Variants in PIAS1 observed in about 807,000 individuals in gnomAD.
PIAS1 encodes E3 SUMO-protein ligase PIAS1.
Under a neutral mutation model 71.3 loss-of-function variants are expected in PIAS1, and 6 were observed. The ratio of observed to expected loss-of-function variants is 0.08; its 90% confidence interval spans 0.05 to 0.17. The LOEUF is 0.17. Among genes scored for constraint, PIAS1 ranks in the 10% least tolerant of loss-of-function variants. PIAS1 has a pLI of 1.00. For synonymous variants in PIAS1, 303 were observed against 292.9 expected (o/e 1.03, Z -0.35); for missense variants, 555 against 793.6 (o/e 0.70, Z 3.61).
At position 68,190,077 on chromosome 15, in the gene PIAS1, T is replaced by C. The variant is rs1001249483; in HGVS notation, c.*2242T>C. On this transcript the variant is annotated 3_prime_UTR_variant, in exon 14 of 14. Coordinates refer to ENST00000249636, the MANE Select transcript of PIAS1 (RefSeq NM_016166.3). The surrounding 1 kb of genome is among the most constrained non-coding windows in gnomAD (Gnocchi z 4.7). ...TGATCAGTAACTTTGTGTATGATGC[T>C]GAATTACAAACCGTTTGAATGATCC... The C allele has an allele frequency of 6.6e-6, 1 of 152,072 alleles. No homozygotes were observed. The highest frequency in any genetic ancestry group is 2.4e-5 in the African/African-American group (1 of 41,460). The allele number at this position is 152,072 out of a possible 1,614,324, so 9.4% of individuals were successfully genotyped here.
intron 2 of PIAS1, among the ~76,000 whole-genome samples, chr15:68,089,290 T>G (rs2092313714): frequency 6.6e-6 from 1 of 152,244 alleles, no homozygotes; most frequent in Admixed American, 6.5e-5. Context: ...GGAGCCATAA[T>G]TAAAGTATTC....
intron 12 of PIAS1, 50 bp downstream of exon 12, chr15:68,181,404 G>A (rs1428618233): frequency 1.3e-6 from 2 of 1,565,620 alleles, no homozygotes; most frequent in Non-Finnish European, 1.8e-6. Flanking sequence ...GAATGCCTTT[G>A]ATCTATATAA....
intron 1 of PIAS1, among the ~76,000 whole-genome samples, chr15:68,080,222 G>A (rs1046705651): frequency 1.3e-5 from 2 of 152,156 alleles, no homozygotes; most frequent in African/African-American, 4.8e-5. Context: ...TATAAATAAG[G>A]ATGATGTTTA....
At chr15:68,102,360 T>A (rs2092434544) in intron 2 of PIAS1, among the ~76,000 whole-genome samples, 1 of 152,252 alleles carries the variant, frequency 6.6e-6, no homozygotes, top group Admixed American at 6.5e-5. Context: ...GATTACTATG[T>A]CAGACTATGT....
intron 6 of PIAS1, among the ~76,000 whole-genome samples, chr15:68,149,540 C>T (rs2092831715): frequency 6.6e-6 from 1 of 151,842 alleles, no homozygotes. Flanking sequence ...CTTTTATGTT[C>T]CTCAGCAATT....
At chr15:68,073,537 A>C (rs1005154543) in intron 1 of PIAS1, among the ~76,000 whole-genome samples, 2 of 152,186 alleles carry the variant, frequency 1.3e-5, no homozygotes. Context: ...TAAAAGCGTA[A>C]ATTTTTTTAA....
At chr15:68,177,064 A>G (rs12594232) in intron 11 of PIAS1, among the ~76,000 whole-genome samples, 63,471 of 151,676 alleles carry the variant, frequency 0.42, 14,871 homozygotes, top group East Asian at 0.84. Flanking sequence ...TGGATTGTCC[A>G]AGCTCAGGAG....
chr15:68,060,798 C>T (rs1047962397), intron 1 of PIAS1, among the ~76,000 whole-genome samples: 9 of 152,168 alleles, frequency 5.9e-5, no homozygotes, highest in African/African-American at 2.2e-4. Context: ...ATTCTCCTGC[C>T]TCAGCCTCCC....
chr15:68,065,618 C>G (rs1002005837), intron 1 of PIAS1, among the ~76,000 whole-genome samples: 1 of 150,088 alleles, frequency 6.7e-6, no homozygotes, highest in African/African-American at 2.4e-5. Flanking sequence ...AAATTTATTT[C>G]TAGTGATCTC....
intron 4 of PIAS1, among the ~76,000 whole-genome samples, chr15:68,145,485 T>A (rs1042059529): frequency 2.6e-5 from 4 of 152,196 alleles, no homozygotes; most frequent in African/African-American, 9.6e-5. Context: ...AATTTCTTAA[T>A]TTTATTTGAC....
At chr15:68,183,413 G>A (rs950530007) in intron 12 of PIAS1, among the ~76,000 whole-genome samples, 1 of 152,144 alleles carries the variant, frequency 6.6e-6, no homozygotes, top group East Asian at 1.9e-4. Flanking sequence ...CCCCAAATGG[G>A]GTCACGGAGA....
intron 7 of PIAS1, among the ~76,000 whole-genome samples, chr15:68,156,696 G>GAGAC (rs2092891540): frequency 7.0e-6 from 1 of 141,962 alleles, no homozygotes; most frequent in Admixed American, 7.2e-5. Flanking sequence ...GCAACAGAGA[G>GAGAC]AGACACTGTC....
chr15:68,100,349 C>T (rs2092412695), intron 2 of PIAS1, among the ~76,000 whole-genome samples: 1 of 152,146 alleles, frequency 6.6e-6, no homozygotes, highest in South Asian at 2.1e-4. Context: ...GTAACTACCA[C>T]CACAATAAAA....
intron 1 of PIAS1, among the ~76,000 whole-genome samples, chr15:68,071,527 T>C (rs2092096822): frequency 6.6e-6 from 1 of 151,008 alleles, no homozygotes; most frequent in African/African-American, 2.4e-5. Flanking sequence ...CTTCATTCTT[T>C]TGAGGAGAAA....
rs1412162051 is a variant in PIAS1 at position 68,086,489 on chromosome 15, A to G, written c.208A>G (p.Met70Val). 6.2e-7 allele frequency: 1 copy of G among 1,613,998 alleles called. No homozygotes were observed. The highest frequency in any genetic ancestry group is 8.5e-7 in the Non-Finnish European group (1 of 1,179,892). ...LYRRRFPQKIMTPADLSIPNV... is the reference protein window; with the variant it reads ...LYRRRFPQKIVTPADLSIPNV... Reference sequence around the variant, plus strand: ...TAGGCGGCGGTTCCCACAGAAAATCATGACGCCTGCAGACTTGTCCATCCC... The same window carrying G: ...TAGGCGGCGGTTCCCACAGAAAATCGTGACGCCTGCAGACTTGTCCATCCC... Residue 70 changes from methionine to valine, a missense_variant, in exon 2 of 14, where the codon ATG (methionine) becomes GTG (valine). By Grantham distance (21) the Met-to-Val change is conservative. Transcript: ENST00000249636. This position sits in a 1 kb window ranked among gnomAD's most constrained non-coding sequence, Gnocchi z 7.2.
chr15:68,098,142 C>G (rs1235849841), intron 2 of PIAS1, among the ~76,000 whole-genome samples: 1 of 152,196 alleles, frequency 6.6e-6, no homozygotes, highest in Non-Finnish European at 1.5e-5. Flanking sequence ...GCAACACACA[C>G]AGTCAAAAAT....
chr15:68,109,575 G>A (rs1048090869), intron 2 of PIAS1, among the ~76,000 whole-genome samples: 1 of 152,064 alleles, frequency 6.6e-6, no homozygotes, highest in African/African-American at 2.4e-5. Context: ...CATTATATGG[G>A]TCCCAGAAGT....
intron 7 of PIAS1, among the ~76,000 whole-genome samples, chr15:68,163,847 G>T (rs1281518073): frequency 3.3e-5 from 5 of 152,048 alleles, no homozygotes; most frequent in African/African-American, 1.2e-4. Flanking sequence ...AAGTTATTAT[G>T]GGACAGTTTC....
chr15:68,182,824 G>A (rs954386224), intron 12 of PIAS1, among the ~76,000 whole-genome samples: 5 of 152,174 alleles, frequency 3.3e-5, no homozygotes, highest in Admixed American at 2.6e-4. Flanking sequence ...CATTTTGTAA[G>A]CCTTCGTGTT....
Sources: gnomAD v4.1 joint callset for allele counts (sites outside exome capture counted in the v4.1 genomes callset) on GRCh38, gnomAD v4.1.1 for gene constraint, Gnocchi (gnomAD v3.1) non-coding constraint, MANE v1.5 for transcripts, NCBI Gene and HGNC (gene_info 2026-07-23, HGNC 2026-07-21) for gene names.